Variants in SVEP1 observed in about 807,000 individuals in gnomAD.
SVEP1 encodes sushi, von Willebrand factor type A, EGF and pentraxin domain containing 1, also known as sushi, von Willebrand factor type A, EGF and pentraxin domain-containing protein 1.
SVEP1 carries 164 observed loss-of-function variants against 367.3 expected under a neutral mutation model. The ratio of observed to expected loss-of-function variants is 0.45; its 90% confidence interval spans 0.39 to 0.51. SVEP1 has a LOEUF of 0.51. Among genes scored for constraint, SVEP1 ranks in the 20% least tolerant of loss-of-function variants. The pLI is 0.00. For missense variants in SVEP1, 4,117 were observed against 4,425.3 expected, an observed-to-expected ratio of 0.93 and a Z score of 1.98; for synonymous variants, 1,666 against 1,611.6, an observed-to-expected ratio of 1.03 and a Z score of -0.81.
chr9:110,408,554 C>A lies in SVEP1; in HGVS notation c.7046G>T (p.Cys2349Phe). ...TTEVGVVTFS[C>F]KEGHVLQGPS... Reference sequence around the variant, plus strand: ...GCCTTGCAGGACATGCCCTTCTTTACAGGAAAATGTCACAACTCCTACCTC... The same window carrying A: ...GCCTTGCAGGACATGCCCTTCTTTAAAGGAAAATGTCACAACTCCTACCTC... Residue 2349 changes from cysteine to phenylalanine, a missense_variant, in exon 38 of 48, where the codon TGT (cysteine) becomes TTT (phenylalanine). Transcript: ENST00000374469. 2 of 1,613,916 alleles carry A rather than the reference C, an allele frequency of 1.2e-6. No individual in the cohort carries two copies. Among genetic ancestry groups the A allele is most frequent in the Non-Finnish European group, 1.7e-6 (2 of 1,179,878 alleles).
chr9:110,563,074 A>G (rs1421440205), intron 1 of SVEP1, among the ~76,000 whole-genome samples: 1 of 152,220 alleles, frequency 6.6e-6, no homozygotes, highest in Non-Finnish European at 1.5e-5. Context: ...GATAATACTG[A>G]GAGGTATTGA....
At position 110,512,961 on chromosome 9, in the gene SVEP1, T is replaced by C. The variant is rs147924644; in HGVS notation, c.1268A>G (p.Asn423Ser). Reference sequence around the variant, plus strand: ...GCTCTCTGAACCGGACCACAAACCATTGGGTAGACATAAGATGATGCTGCT... The same window carrying C: ...GCTCTCTGAACCGGACCACAAACCACTGGGTAGACATAAGATGATGCTGCT... Reference protein sequence around the residue: ...VGSSIILCLPNGLWSGSESYC... With the variant: ...VGSSIILCLPSGLWSGSESYC... The change falls in exon 5 of 48, where the codon AAT becomes AGT. Residue 423 changes from asparagine (N) to serine (S), a missense_variant. Asn to Ser is a conservative substitution (Grantham distance 46, BLOSUM62 1). Around this residue, in one of 4 missense-constraint regions of SVEP1, gnomAD observed 2,174 missense variants for 2,494.3 expected, o/e 0.87. Coordinates refer to ENST00000374469, the MANE Select transcript of SVEP1 (RefSeq NM_153366.4). 1.0e-3 allele frequency: 1,638 copies of C among 1,613,934 alleles called. 5 individuals are homozygous for C. The highest frequency in any genetic ancestry group is 1.2e-3 in the Non-Finnish European group (1,419 of 1,179,860).
chr9:110,452,184 A>T (rs965732718), intron 22 of SVEP1, among the ~76,000 whole-genome samples: 4 of 152,102 alleles, frequency 2.6e-5, no homozygotes, highest in Non-Finnish European at 5.9e-5. Flanking sequence ...TAAATCTAAC[A>T]TAAAATCTAC....
At chr9:110,555,157 A>G (rs938759264) in intron 1 of SVEP1, among the ~76,000 whole-genome samples, 1 of 152,044 alleles carries the variant, frequency 6.6e-6, no homozygotes, top group Non-Finnish European at 1.5e-5. Flanking sequence ...ACAAGGTCAC[A>G]GCAGTTAACT....
chr9:110,486,281 T>G (rs1829275640), intron 9 of SVEP1, among the ~76,000 whole-genome samples: 1 of 152,212 alleles, frequency 6.6e-6, no homozygotes, highest in African/African-American at 2.4e-5. Flanking sequence ...CTGATTTTAT[T>G]CAGACATTTT....
At chr9:110,499,998 C>T (rs1317772990) in intron 6 of SVEP1, among the ~76,000 whole-genome samples, 1 of 152,182 alleles carries the variant, frequency 6.6e-6, no homozygotes, top group Non-Finnish European at 1.5e-5. Flanking sequence ...AAGCACTTTG[C>T]ATGTATTATT....
intron 24 of SVEP1, among the ~76,000 whole-genome samples, chr9:110,449,730 T>A (rs925527965): frequency 6.6e-6 from 1 of 152,122 alleles, no homozygotes; most frequent in African/African-American, 2.4e-5. Context: ...ATATGGGCTT[T>A]GTCTAGTACT....
At chr9:110,440,410 T>C (rs1403543843) in intron 27 of SVEP1, among the ~76,000 whole-genome samples, 3 of 152,232 alleles carry the variant, frequency 2.0e-5, no homozygotes, top group Non-Finnish European at 4.4e-5. Context: ...AGACACAGGC[T>C]GGTTAAATTC....
At chr9:110,390,291 T>TTA (rs1491348652) in intron 40 of SVEP1, among the ~76,000 whole-genome samples, 2,703 of 25,420 alleles carry the variant, frequency 0.11, 234 homozygotes, top group Non-Finnish European at 0.15. Context: ...ATATACATAC[T>TTA]TATATATACT....
chr9:110,470,386 C>T (rs949442029), intron 16 of SVEP1, among the ~76,000 whole-genome samples: 1 of 152,052 alleles, frequency 6.6e-6, no homozygotes, highest in South Asian at 2.1e-4. Flanking sequence ...AGCTAAGACT[C>T]GTGTTGGCTG....
At chr9:110,448,146 TGTGC>T (rs1439842099) in intron 24 of SVEP1, among the ~76,000 whole-genome samples, 816 of 62,442 alleles carry the variant, frequency 0.013, 22 homozygotes, top group Admixed American at 0.097. Flanking sequence ...TGTGTGTGTG[TGTGC>T]GCGTGTGTGT....
chr9:110,513,608 T>C (rs895357746), intron 4 of SVEP1, among the ~76,000 whole-genome samples: 1 of 152,204 alleles, frequency 6.6e-6, no homozygotes, highest in Non-Finnish European at 1.5e-5. Flanking sequence ...AATGTGACTA[T>C]CTCCAGAGCC....
intron 9 of SVEP1, 75 bp downstream of exon 9, chr9:110,489,575 C>G: frequency 6.9e-7 from 1 of 1,452,066 alleles, no homozygotes; most frequent in Non-Finnish European, 9.4e-7. Flanking sequence ...GTCCTTCCCA[C>G]GACACATGGG....
At chr9:110,475,079 T>C (rs557261398) in intron 14 of SVEP1, among the ~76,000 whole-genome samples, 173 of 151,864 alleles carry the variant, frequency 1.1e-3, no homozygotes, top group African/African-American at 3.8e-3. Flanking sequence ...GTCTTATTTC[T>C]GGGGTTGTGG....
At position 110,400,856 on chromosome 9, in the gene SVEP1, C is replaced by G; in HGVS notation, c.9820G>C (p.Glu3274Gln). 1 of 1,611,164 alleles carries G rather than the reference C, an allele frequency of 6.2e-7. No homozygotes were observed. The highest frequency in any genetic ancestry group is 1.1e-5 in the South Asian group (1 of 90,508). ...IYQCEPGYELEGNRERVCQEN... is the reference protein window; with the variant it reads ...IYQCEPGYELQGNRERVCQEN... ...AGTTAAACAATTTGTTCGCTTACCTCTAGTTCATAGCCAGGCTCACACTGA... is the reference window on the plus strand; with the variant it reads ...AGTTAAACAATTTGTTCGCTTACCTGTAGTTCATAGCCAGGCTCACACTGA... The change falls in exon 40 of 48, where the codon GAG (glutamate) becomes CAG (glutamine). Residue 3274 changes from glutamate to glutamine, a missense_variant and splice_region_variant. Around this residue, in one of 4 missense-constraint regions of SVEP1, gnomAD observed 1,765 missense variants for 1,781.1 expected, o/e 0.99. Coordinates refer to ENST00000374469, the MANE Select transcript of SVEP1 (RefSeq NM_153366.4).
chr9:110,504,020 T>TTTTTA lies in SVEP1; in HGVS notation c.1304-808_1304-804dup, dbSNP rs36224388. 1.1e-4 allele frequency among the ~76,000 whole-genome samples: 16 copies of TTTTTA among 148,416 alleles called. No individual in the cohort carries two copies. The South Asian group carries it at 1.1e-3, about 10-fold the overall frequency. The stretch of plus-strand genomic sequence containing the variant: ...CAGGACTTCTGGAAAGCTTTTTATT[T>TTTTTA]TTTTATTTTATTTTATTTTATTTTA... On this transcript the variant is annotated intron_variant, in intron 5 of 47. Coordinates refer to ENST00000374469, the MANE Select transcript of SVEP1 (RefSeq NM_153366.4).
chr9:110,430,406 A>G lies in SVEP1; in HGVS notation c.5398T>C (p.Ser1800Pro). 1 of 1,613,150 alleles carries G rather than the reference A, an allele frequency of 6.2e-7. No homozygotes were observed. The highest frequency in any genetic ancestry group is 8.5e-7 in the Non-Finnish European group (1 of 1,179,594). The change falls in exon 33 of 48, where the codon TCC becomes CCC. Residue 1800 changes from serine (S) to proline (P), a missense_variant. Physicochemically the swap from Ser to Pro is moderately conservative, Grantham distance 74 (BLOSUM62 -1). This residue lies in a region of SVEP1 where 2,174 missense variants were observed against 2,494.3 expected (regional missense o/e 0.87). Transcript: ENST00000374469. Reference protein sequence around the residue: ...KAPGNPENGHSSGEIYTVGAE... With the variant: ...KAPGNPENGHPSGEIYTVGAE... The stretch of plus-strand genomic sequence containing the variant: ...CCTACTGTATAAATCTCACCTGAGG[A>G]GTGGCCATTTTCCGGATTTCCTGGA...
chr9:110,513,047 G>T lies in SVEP1; in HGVS notation c.1182C>A (p.Cys394Ter), dbSNP rs1200092634. 3 of 1,614,022 alleles carry T rather than the reference G, an allele frequency of 1.9e-6. No individual in the cohort carries two copies. Among genetic ancestry groups the T allele is most frequent in the Non-Finnish European group, 2.5e-6 (3 of 1,179,884 alleles). Reference protein sequence around the residue: ...PENGYFIQNTCNNHFNAACGV... With the variant: ...PENGYFIQNT Reference sequence around the variant, plus strand: ...CACAGGCTGCATTGAAGTGGTTGTTGCAAGTGTTTTGGATAAAGTAACCAT... The same window carrying T: ...CACAGGCTGCATTGAAGTGGTTGTTTCAAGTGTTTTGGATAAAGTAACCAT... Residue 394 changes from cysteine (C) to a stop codon, truncating the protein, a stop_gained, in exon 5 of 48, where the codon TGC becomes TGA. Coordinates refer to ENST00000374469, the MANE Select transcript of SVEP1 (RefSeq NM_153366.4). LOFTEE classifies it high-confidence loss of function.
chr9:110,499,193 G>A lies in SVEP1; in HGVS notation c.1529C>T (p.Ser510Phe), dbSNP rs199985818. 5.0e-6 allele frequency: 8 copies of A among 1,613,200 alleles called. No homozygotes were observed. Among genetic ancestry groups the A allele is most frequent in the Non-Finnish European group, 6.8e-6 (8 of 1,179,492 alleles). ...TFQMPKDVII[S>F]PHNCGKQPAK... Reference sequence around the variant, plus strand: ...TGGCTGCTTGCCACAGTTGTGGGGGGATATGATGACATCTTTGGGCATCTG... The same window carrying A: ...TGGCTGCTTGCCACAGTTGTGGGGGAATATGATGACATCTTTGGGCATCTG... Residue 510 changes from serine to phenylalanine, a missense_variant, in exon 7 of 48, where the codon TCC (serine) becomes TTC (phenylalanine). This residue lies in a region of SVEP1 where 2,174 missense variants were observed against 2,494.3 expected (regional missense o/e 0.87). Coordinates refer to ENST00000374469, the MANE Select transcript of SVEP1 (RefSeq NM_153366.4).
Sources: allele counts gnomAD v4.1 joint callset (sites outside exome capture counted in the v4.1 genomes callset), GRCh38; gene constraint gnomAD v4.1.1; regional missense constraint gnomAD v4.1.1; transcripts MANE v1.5; gene names NCBI Gene and HGNC (gene_info 2026-07-23, HGNC 2026-07-21).